SMIM7: variants seen among roughly 807,000 people sequenced by gnomAD.
The protein encoded by SMIM7 is small integral membrane protein 7.
SMIM7 carries 12 observed loss-of-function variants against 13.3 expected under a neutral mutation model. That is an observed-to-expected ratio of 0.90 (90% CI 0.58 to 1.46). The LOEUF (loss-of-function observed/expected upper bound fraction) is 1.46, where lower values mean the gene tolerates loss of function less well. SMIM7 is among the 40% of genes most tolerant of loss of function. The pLI is 0.00. For synonymous variants in SMIM7, 36 were observed against 35.8 expected (o/e 1.01, Z -0.02); for missense variants, 114 against 94.8 (o/e 1.20, Z -0.84).
chr19:16,654,315 C>T (rs1156535568), intron 3 of SMIM7, among the ~76,000 whole-genome samples, 190 bp from the exon 4 acceptor site: 1 of 152,118 alleles, frequency 6.6e-6, no homozygotes, highest in Non-Finnish European at 1.5e-5. Context: ...CTGACCAATC[C>T]CCTGAAAGCA....
intron 4 of SMIM7, among the ~76,000 whole-genome samples, chr19:16,649,559 C>T (rs866387933): frequency 9.2e-5 from 14 of 151,994 alleles, no homozygotes; most frequent in African/African-American, 3.4e-4. Flanking sequence ...GGCAACAGAG[C>T]GAGACTCTGT....
At chr19:16,652,389 A>T in intron 4 of SMIM7, 1 of 247,520 alleles carries the variant, frequency 4.0e-6, no homozygotes, top group Non-Finnish European at 6.5e-6. Flanking sequence ...TTTGGTAAAG[A>T]CAGGGTTTCA....
At chr19:16,651,236 G>A (rs8104135) in intron 4 of SMIM7, among the ~76,000 whole-genome samples, 12,460 of 152,154 alleles carry the variant, frequency 0.082, 760 homozygotes, top group African/African-American at 0.17. Flanking sequence ...TGTAATGGGT[G>A]ACTGTTTACT....
intron 3 of SMIM7, chr19:16,655,408 T>C (rs1197539181): frequency 4.4e-6 from 2 of 455,366 alleles, no homozygotes; most frequent in East Asian, 6.9e-5. Flanking sequence ...AGGCCAGGCA[T>C]GGTGGCTCAC....
intron 4 of SMIM7, among the ~76,000 whole-genome samples, chr19:16,648,972 G>T (rs1236769068): frequency 6.6e-6 from 1 of 152,152 alleles, no homozygotes; most frequent in African/African-American, 2.4e-5. Flanking sequence ...CTGAGATTGT[G>T]CCACTGTACT....
chr19:16,650,755 C>T (rs568853407), intron 4 of SMIM7, among the ~76,000 whole-genome samples: 38 of 151,972 alleles, frequency 2.5e-4, no homozygotes, highest in African/African-American at 8.2e-4. Context: ...AATATTGAAC[C>T]ATGCCCAGGC....
At chr19:16,647,353 A>C (rs570537710) in intron 4 of SMIM7, 92 bp from the exon 5 acceptor site, 24 of 1,435,372 alleles carry the variant, frequency 1.7e-5, no homozygotes, top group Non-Finnish European at 7.8e-6. Flanking sequence ...ACTATTACCT[A>C]TTACTTAGAT....
chr19:16,651,491 A>T (rs917856571), intron 4 of SMIM7, among the ~76,000 whole-genome samples: 1 of 152,006 alleles, frequency 6.6e-6, no homozygotes, highest in African/African-American at 2.4e-5. Flanking sequence ...CAGGAAACAA[A>T]ATCAGGACCC....
chr19:16,631,560 C>A (rs2122479106), exon 5 of SMIM7: 1 of 152,296 alleles, frequency 6.6e-6, no homozygotes, highest in South Asian at 2.1e-4. Flanking sequence ...CCTGGACTCA[C>A]TGCTGTGGCC....
At chr19:16,648,045 TC>T (rs1253081743) in intron 4 of SMIM7, among the ~76,000 whole-genome samples, 1 of 152,180 alleles carries the variant, frequency 6.6e-6, no homozygotes, top group Non-Finnish European at 1.5e-5. Flanking sequence ...TACGTGTACA[TC>T]TTTGTAACCT....
intron 4 of SMIM7, among the ~76,000 whole-genome samples, chr19:16,638,301 CTT>C (rs375558591): frequency 6.5e-5 from 8 of 122,764 alleles, no homozygotes; most frequent in African/African-American, 1.2e-4. Flanking sequence ...TTTCTTTTTT[CTT>C]TTTTTTTTTT....
chr19:16,637,052 G>A (rs1437800777), intron 4 of SMIM7, among the ~76,000 whole-genome samples: 1 of 152,230 alleles, frequency 6.6e-6, no homozygotes, highest in African/African-American at 2.4e-5. Flanking sequence ...TCCATGCAAT[G>A]CAATTACAGT....
At chr19:16,637,732 T>G (rs1258459488) in intron 4 of SMIM7, among the ~76,000 whole-genome samples, 3 of 152,180 alleles carry the variant, frequency 2.0e-5, no homozygotes, top group Non-Finnish European at 4.4e-5. Context: ...TAGCTTTGTG[T>G]GTTTGTTCTT....
At chr19:16,660,048 T>G (rs2086657247) in intron 1 of SMIM7, 37 bp downstream of exon 1, 2 of 1,614,150 alleles carry the variant, frequency 1.2e-6, no homozygotes, top group Middle Eastern at 3.3e-4. Context: ...GCGTCCTGCC[T>G]GGCTCTCTCT....
chr19:16,659,935 G>A (rs767976557), intron 2 of SMIM7, 24 bp downstream of exon 2: 1 of 1,602,874 alleles, frequency 6.2e-7, no homozygotes, highest in African/African-American at 1.3e-5. Flanking sequence ...GGATGGAGCC[G>A]CAGTCCGGCC....
intron 4 of SMIM7, among the ~76,000 whole-genome samples, chr19:16,649,342 C>G (rs907176063): frequency 6.6e-6 from 1 of 151,998 alleles, no homozygotes; most frequent in Admixed American, 6.6e-5. Context: ...CTTTGGGAGG[C>G]CGATGTGGGT....
At chr19:16,656,608 A>G (rs1293326243) in intron 3 of SMIM7, among the ~76,000 whole-genome samples, 1 of 151,626 alleles carries the variant, frequency 6.6e-6, no homozygotes, top group Non-Finnish European at 1.5e-5. Flanking sequence ...GTAAAAAAAA[A>G]GCCTTTCCAG....
At chr19:16,651,550 C>T (rs149404167) in intron 4 of SMIM7, among the ~76,000 whole-genome samples, 7 of 152,188 alleles carry the variant, frequency 4.6e-5, no homozygotes, top group East Asian at 1.9e-4. Flanking sequence ...GGAGGATGCC[C>T]GAGGCTGCTG....
downstream of SMIM7, among the ~76,000 whole-genome samples, chr19:16,643,013 G>A (rs1007212181): frequency 7.2e-5 from 11 of 151,820 alleles, no homozygotes; most frequent in Admixed American, 4.6e-4. Context: ...TAGTAGAGAC[G>A]GGGTTTCATC....
Sources: gnomAD v4.1 joint callset for allele counts (sites outside exome capture counted in the v4.1 genomes callset) on GRCh38, gnomAD v4.1.1 for gene constraint, MANE v1.5 for transcripts, NCBI Gene and HGNC (gene_info 2026-07-23, HGNC 2026-07-21) for gene names.